The following FSTL5 variants were observed in gnomAD, a reference collection of about 807,000 sequenced individuals.
FSTL5 encodes follistatin-related protein 5.
In FSTL5, 62 loss-of-function variants were observed where a neutral mutation model predicts 89.1. That is an observed-to-expected ratio of 0.70 (90% CI 0.57 to 0.86). The LOEUF (loss-of-function observed/expected upper bound fraction) is 0.86. FSTL5 is among the 40% of genes least tolerant of loss of function. The pLI is 0.00. For synonymous variants in FSTL5, 383 were observed against 346.2 expected, an observed-to-expected ratio of 1.11 and a Z score of -1.18; for missense variants, 1,057 against 1,001.6, an observed-to-expected ratio of 1.06 and a Z score of -0.75.
intron 15 of FSTL5, among the ~76,000 whole-genome samples, chr4:161,447,957 C>A (rs1050628375): frequency 2.6e-5 from 4 of 151,896 alleles, no homozygotes; most frequent in African/African-American, 4.8e-5. Context: ...TCTAACGATC[C>A]CATGAGATAA....
At chr4:161,956,553 T>C (rs931598718) in intron 3 of FSTL5, among the ~76,000 whole-genome samples, 9 of 151,898 alleles carry the variant, frequency 5.9e-5, no homozygotes, top group African/African-American at 1.9e-4. Context: ...AAAAGATTAG[T>C]ATCTATTAGG....
At position 161,699,180 on chromosome 4, in the gene FSTL5, T is replaced by A. The variant is rs1404149259; in HGVS notation, c.728-42686A>T. Reference sequence around the variant, plus strand: ...ATAAGGGAATTATGATTTCTGTGATTCTTTTTGCCTCTAAAATTTTGAAAT... The same window carrying A: ...ATAAGGGAATTATGATTTCTGTGATACTTTTTGCCTCTAAAATTTTGAAAT... On this transcript the variant is annotated intron_variant, in intron 6 of 15. Coordinates refer to ENST00000306100, the MANE Select transcript of FSTL5 (RefSeq NM_020116.5). Among the ~76,000 whole-genome samples, 3 of 152,222 alleles carry A rather than the reference T, an allele frequency of 2.0e-5. No homozygotes were observed. The East Asian group carries it at 5.8e-4, about 29-fold the overall frequency.
At position 161,443,007 on chromosome 4, in the gene FSTL5, G is replaced by A. The variant is rs1732823691; in HGVS notation, c.1841+11997C>T. Among the ~76,000 whole-genome samples the A allele has an allele frequency of 2.0e-5, 3 of 151,994 alleles. No individual in the cohort carries two copies. The South Asian group carries it at 6.2e-4, about 32-fold the overall frequency. ...TAACTTATTTTTTTCTTAATCTGGAGGAAAAAATAATGGCTCCTGCATTTT... is the reference window on the plus strand; with the variant it reads ...TAACTTATTTTTTTCTTAATCTGGAAGAAAAAATAATGGCTCCTGCATTTT... On this transcript the variant is annotated intron_variant, in intron 15 of 15. Coordinates refer to ENST00000306100, the MANE Select transcript of FSTL5 (RefSeq NM_020116.5).
chr4:161,580,516 G>T (rs1397005921), intron 8 of FSTL5, among the ~76,000 whole-genome samples: 1 of 152,070 alleles, frequency 6.6e-6, no homozygotes, highest in Non-Finnish European at 1.5e-5. Flanking sequence ...TACAATAAAA[G>T]TTCAAAGAAG....
In FSTL5 at chr4:162,005,697, C is replaced by T. The variant is rs75438364; in HGVS notation, c.160+27928G>A. On this transcript the variant is annotated intron_variant, in intron 3 of 15. Transcript: ENST00000306100. Reference sequence around the variant, plus strand: ...CCATCTGTTTTGGTAAATTAAGGTACACTGACATTGGTGATGTGTCAAGCA... The same window carrying T: ...CCATCTGTTTTGGTAAATTAAGGTATACTGACATTGGTGATGTGTCAAGCA... Among the ~76,000 whole-genome samples the T allele has an allele frequency of 6.3e-4, 96 of 152,194 alleles. No individual in the cohort carries two copies. The East Asian group carries it at 0.017, about 27-fold the overall frequency.
At chr4:161,493,334 A>G (rs897861907) in intron 12 of FSTL5, among the ~76,000 whole-genome samples, 2 of 151,902 alleles carry the variant, frequency 1.3e-5, no homozygotes, top group African/African-American at 4.8e-5. Context: ...AATACAAGAA[A>G]TATCATCACT....
At chr4:161,688,885 G>A (rs2126717082) in intron 6 of FSTL5, among the ~76,000 whole-genome samples, 1 of 152,144 alleles carries the variant, frequency 6.6e-6, no homozygotes, top group Non-Finnish European at 1.5e-5. Flanking sequence ...TTCTAAATAT[G>A]CAATTACATC....
chr4:162,021,233 T>C (rs765119257), intron 3 of FSTL5, among the ~76,000 whole-genome samples: 3 of 152,152 alleles, frequency 2.0e-5, no homozygotes, highest in Non-Finnish European at 4.4e-5. Flanking sequence ...TTTTTATATA[T>C]AGGTCTATCC....
At chr4:161,401,633 C>T (rs1035670248) in intron 15 of FSTL5, among the ~76,000 whole-genome samples, 6 of 151,990 alleles carry the variant, frequency 3.9e-5, no homozygotes, top group Admixed American at 6.6e-5. Flanking sequence ...CACGCCATTC[C>T]CCTGTTTCAG....
intron 7 of FSTL5, among the ~76,000 whole-genome samples, chr4:161,629,723 G>A (rs757006408): frequency 6.6e-6 from 1 of 152,116 alleles, no homozygotes; most frequent in African/African-American, 2.4e-5. Flanking sequence ...AGCTATATAT[G>A]TTTTTGGCCG....
At chr4:162,093,502 C>T (rs764108229) in intron 2 of FSTL5, among the ~76,000 whole-genome samples, 5 of 152,108 alleles carry the variant, frequency 3.3e-5, no homozygotes, top group Non-Finnish European at 5.9e-5. Flanking sequence ...AATATTGGAG[C>T]CAATCCTGCT....
At chr4:161,916,151 C>G (rs1733832414) in intron 4 of FSTL5, among the ~76,000 whole-genome samples, 1 of 152,130 alleles carries the variant, frequency 6.6e-6, no homozygotes, top group Non-Finnish European at 1.5e-5. Flanking sequence ...CTGTGACAAC[C>G]ATATTTCTCA....
rs184055950 is a variant in FSTL5 at position 161,500,216 on chromosome 4, T to C, written c.1340-82A>G. 38 of 863,514 alleles carry C rather than the reference T, an allele frequency of 4.4e-5. No homozygotes were observed. The East Asian group carries it at 9.2e-4, about 21-fold the overall frequency. 53.5% of individuals were successfully genotyped at this position (863,514 alleles called of 1,614,324 possible). On this transcript the variant is annotated intron_variant, in intron 11 of 15. Coordinates refer to ENST00000306100, the MANE Select transcript of FSTL5 (RefSeq NM_020116.5). ...ACCAAAATTCAGTGCCTCTCATATC[T>C]TTAGCAGGAGACCAATTTTCGAAGT...
intron 8 of FSTL5, among the ~76,000 whole-genome samples, chr4:161,565,782 C>CAT (rs1553998255): frequency 3.4e-5 from 5 of 145,060 alleles, no homozygotes; most frequent in African/African-American, 7.8e-5. Flanking sequence ...CACACACACA[C>CAT]ATATATATGA....
At chr4:161,511,120 C>T (rs1360827582) in intron 10 of FSTL5, among the ~76,000 whole-genome samples, 1 of 152,004 alleles carries the variant, frequency 6.6e-6, no homozygotes, top group Non-Finnish European at 1.5e-5. Context: ...AAGGAAATGC[C>T]TGCTTCTTTA....
chr4:161,808,898 G>A (rs1241236017), intron 4 of FSTL5, among the ~76,000 whole-genome samples: 4 of 152,052 alleles, frequency 2.6e-5, no homozygotes, highest in Admixed American at 1.3e-4. Flanking sequence ...CTTACAAAAA[G>A]GTATTCAACA....
intron 6 of FSTL5, among the ~76,000 whole-genome samples, chr4:161,707,284 T>C (rs554695814): frequency 2.4e-4 from 36 of 151,976 alleles, no homozygotes; most frequent in African/African-American, 8.2e-4. Context: ...TTAAATATAG[T>C]TTCTTGGACA....
chr4:161,505,539 TC>T, intron 11 of FSTL5, among the ~76,000 whole-genome samples: 1 of 152,274 alleles, frequency 6.6e-6, no homozygotes, highest in South Asian at 2.1e-4. Context: ...CTCCTTAACT[TC>T]CAAAGGTGTA....
chr4:161,983,307 T>C (rs1735876436), intron 3 of FSTL5, among the ~76,000 whole-genome samples: 1 of 152,182 alleles, frequency 6.6e-6, no homozygotes, highest in Non-Finnish European at 1.5e-5. Flanking sequence ...CTGTGCCTAC[T>C]TGTTCCAATG....
Sources: gnomAD v4.1 joint callset for allele counts (sites outside exome capture counted in the v4.1 genomes callset) on GRCh38, gnomAD v4.1.1 for gene constraint, MANE v1.5 for transcripts, NCBI Gene and HGNC (gene_info 2026-07-23, HGNC 2026-07-21) for gene names.